The following CREB5 variants were observed in gnomAD, a reference collection of about 807,000 sequenced individuals.
CREB5 encodes the protein cyclic AMP-responsive element-binding protein 5.
A neutral mutation model predicts 57.1 loss-of-function variants in CREB5; 19 were observed. The observed-to-expected ratio is 0.33, with a 90% CI of 0.23 to 0.49. The LOEUF is 0.49. Ranked by LOEUF, CREB5 falls within the 20% of genes least tolerant of loss-of-function variation. The pLI, the probability that CREB5 is intolerant of heterozygous loss-of-function variation, is 0.99. For synonymous variants in CREB5, 238 were observed against 238.3 expected, an observed-to-expected ratio of 1.00 and a Z score of 0.01; for missense variants, 579 against 671.6, an observed-to-expected ratio of 0.86 and a Z score of 1.52.
chr7:28,551,554 A>G (rs1309251894), intron 4 of CREB5, among the ~76,000 whole-genome samples: 2 of 152,230 alleles, frequency 1.3e-5, no homozygotes, highest in Non-Finnish European at 2.9e-5. Flanking sequence ...TGAGCTCTGG[A>G]AAGCTCTTAG....
chr7:28,306,685 C>T (rs1785195167), intron 1 of CREB5, among the ~76,000 whole-genome samples: 1 of 151,234 alleles, frequency 6.6e-6, no homozygotes, highest in Non-Finnish European at 1.5e-5. Context: ...CTCAGCCTCC[C>T]GAGTAGCTGG....
intron 5 of CREB5, among the ~76,000 whole-genome samples, chr7:28,686,527 G>A (rs1279220142): frequency 6.6e-6 from 1 of 152,052 alleles, no homozygotes; most frequent in Non-Finnish European, 1.5e-5. Context: ...GAGCAAAAGG[G>A]CCACAAATAA....
At chr7:28,486,670 T>TTATATATATATATATATATA (rs139222705) in intron 1 of CREB5, among the ~76,000 whole-genome samples, 900 of 88,896 alleles carry the variant, frequency 0.01, 48 homozygotes, top group East Asian at 0.017. Flanking sequence ...TCCTATGATT[T>TTATATATATATATATATATA]TATATATATA....
chr7:28,362,314 TTTAGG>T (rs1786503184), intron 1 of CREB5, among the ~76,000 whole-genome samples: 1 of 152,224 alleles, frequency 6.6e-6, no homozygotes, highest in Admixed American at 6.5e-5. Context: ...TTATTTTTAA[TTTAGG>T]TTGTTTCTCT....
At chr7:28,351,407 A>T (rs1314296317) in intron 1 of CREB5, among the ~76,000 whole-genome samples, 1 of 152,180 alleles carries the variant, frequency 6.6e-6, no homozygotes, top group African/African-American at 2.4e-5. Flanking sequence ...GTGAAGGAGG[A>T]AGAAAGATGT....
intron 4 of CREB5, among the ~76,000 whole-genome samples, chr7:28,562,269 C>G (rs1254443810): frequency 6.6e-6 from 1 of 152,102 alleles, no homozygotes; most frequent in African/African-American, 2.4e-5. Flanking sequence ...AGAAACTGAC[C>G]AGGAAGGGGC....
intron 4 of CREB5, among the ~76,000 whole-genome samples, chr7:28,560,985 CGTGTGTGTGCCTGCGTGTGCGTGTGTGT>C (rs1795229850): frequency 7.3e-5 from 2 of 27,366 alleles, no homozygotes; most frequent in African/African-American, 2.1e-4. Flanking sequence ...TGTGTGCGTG[CGTGTGTGTGCCTGCGTGTGCGTGTGTGT>C]GTGCGTGTGT....
At chr7:28,303,292 G>T (rs561462953) in intron 1 of CREB5, among the ~76,000 whole-genome samples, 1 of 152,274 alleles carries the variant, frequency 6.6e-6, no homozygotes, top group Admixed American at 6.5e-5. Flanking sequence ...TAATTTTTGA[G>T]GCCAGTTGAA....
chr7:28,733,673 G>T (rs1466705592), intron 7 of CREB5, among the ~76,000 whole-genome samples: 1 of 152,136 alleles, frequency 6.6e-6, no homozygotes, highest in African/African-American at 2.4e-5. Flanking sequence ...TGTTGTCATT[G>T]TCCATGGACC....
intron 3 of CREB5, among the ~76,000 whole-genome samples, chr7:28,495,944 T>A (rs1483948407): frequency 6.6e-6 from 1 of 151,776 alleles, no homozygotes; most frequent in Non-Finnish European, 1.5e-5. Flanking sequence ...TGATTTATTC[T>A]AATTTTGAGA....
At chr7:28,670,137 T>C (rs1039967076) in intron 5 of CREB5, among the ~76,000 whole-genome samples, 6 of 152,246 alleles carry the variant, frequency 3.9e-5, no homozygotes, top group Admixed American at 2.6e-4. Flanking sequence ...CCTGTGATCA[T>C]ACCGAACCCT....
At chr7:28,669,442 C>T (rs1799946747) in intron 5 of CREB5, among the ~76,000 whole-genome samples, 1 of 152,136 alleles carries the variant, frequency 6.6e-6, no homozygotes, top group Non-Finnish European at 1.5e-5. Context: ...CCAAATAAAG[C>T]CTGAAGCTAA....
chr7:28,691,864 C>T (rs1562575252), intron 5 of CREB5, among the ~76,000 whole-genome samples: 1 of 151,958 alleles, frequency 6.6e-6, no homozygotes, highest in Non-Finnish European at 1.5e-5. Flanking sequence ...ATCTGGAACT[C>T]TACTTAAAAA....
chr7:28,550,521 G>A (rs1051426333), intron 4 of CREB5, among the ~76,000 whole-genome samples: 2 of 152,096 alleles, frequency 1.3e-5, no homozygotes, highest in South Asian at 2.1e-4. Flanking sequence ...GTAAGATGTC[G>A]GTCGAGCTCT....
chr7:28,724,175 T>G, intron 6 of CREB5, 47 bp from the exon 7 acceptor site: 1 of 1,532,388 alleles, frequency 6.5e-7, no homozygotes, highest in Non-Finnish European at 8.9e-7. Context: ...TCTAATGACC[T>G]AGACTGCCTT....
chr7:28,599,102 CT>C (rs1249134581), intron 5 of CREB5, among the ~76,000 whole-genome samples: 1 of 152,122 alleles, frequency 6.6e-6, no homozygotes, highest in East Asian at 1.9e-4. Context: ...AAAACACTCC[CT>C]TTTCTTCCAA....
At chr7:28,776,730 G>T (rs1416975899) in intron 7 of CREB5, among the ~76,000 whole-genome samples, 2 of 152,178 alleles carry the variant, frequency 1.3e-5, no homozygotes, top group Non-Finnish European at 2.9e-5. Context: ...CTGGCAACGA[G>T]TAATCTACTT....
intron 3 of CREB5, among the ~76,000 whole-genome samples, chr7:28,503,585 CA>C (rs994945851): frequency 6.6e-6 from 1 of 152,066 alleles, no homozygotes; most frequent in African/African-American, 2.4e-5. Flanking sequence ...GTCATCCTAG[CA>C]GCCTCTCTCA....
intron 5 of CREB5, among the ~76,000 whole-genome samples, chr7:28,630,027 G>T (rs955400605): frequency 1.3e-5 from 2 of 152,166 alleles, no homozygotes; most frequent in Admixed American, 6.5e-5. Context: ...GCCCTGAGAG[G>T]TGGCTACCCA....
Sources: gnomAD v4.1 joint callset for allele counts (sites outside exome capture counted in the v4.1 genomes callset) on GRCh38, gnomAD v4.1.1 for gene constraint, MANE v1.5 for transcripts, NCBI Gene and HGNC (gene_info 2026-07-23, HGNC 2026-07-21) for gene names.